Variants in KDM7A observed in about 807,000 individuals in gnomAD.
KDM7A encodes the protein lysine-specific demethylase 7A.
Under a neutral mutation model 114.8 loss-of-function variants are expected in KDM7A, and 28 were observed. The ratio of observed to expected loss-of-function variants is 0.24; its 90% CI spans 0.18 to 0.33. The LOEUF (loss-of-function observed/expected upper bound fraction) is 0.33, where lower values mean the gene tolerates loss of function less well. Ranked by LOEUF, KDM7A falls within the 10% of genes least tolerant of loss-of-function variation. The probability of loss-of-function intolerance (pLI) is 1.00; values close to 1 mark genes in which losing one functional copy is unlikely to be tolerated. For missense variants in KDM7A, 942 were observed against 1,142.5 expected (o/e 0.82, Z 2.53); for synonymous variants, 423 against 397.8 (o/e 1.06, Z -0.75).
At chr7:140,146,570 C>T (rs1794342276) in intron 1 of KDM7A, among the ~76,000 whole-genome samples, 1 of 152,168 alleles carries the variant, frequency 6.6e-6, no homozygotes, top group Non-Finnish European at 1.5e-5. Context: ...TCTTGTAAAA[C>T]TTTCCTTCAT....
chr7:140,171,052 G>A (rs1444041565), intron 1 of KDM7A, among the ~76,000 whole-genome samples: 1 of 130,758 alleles, frequency 7.6e-6, no homozygotes, highest in East Asian at 2.1e-4. Flanking sequence ...AATGTACTGA[G>A]ACCCCCATCC....
chr7:140,136,198 C>T (rs987773880), intron 2 of KDM7A, among the ~76,000 whole-genome samples: 10 of 152,182 alleles, frequency 6.6e-5, no homozygotes, highest in African/African-American at 2.4e-4. Context: ...CATAAAAGGG[C>T]TAGCTAGATC....
intron 7 of KDM7A, among the ~76,000 whole-genome samples, chr7:140,122,541 T>C (rs1818632229): frequency 6.6e-6 from 1 of 152,192 alleles, no homozygotes; most frequent in South Asian, 2.1e-4. Flanking sequence ...TCAACATACA[T>C]TTGTTATTAT....
At chr7:140,136,011 G>C (rs1818864854) in intron 2 of KDM7A, among the ~76,000 whole-genome samples, 1 of 152,068 alleles carries the variant, frequency 6.6e-6, no homozygotes, top group Non-Finnish European at 1.5e-5. Flanking sequence ...CCAGGCTGGA[G>C]TACAGTGGCG....
intron 1 of KDM7A, among the ~76,000 whole-genome samples, chr7:140,147,231 A>G (rs904360117): frequency 1.3e-5 from 2 of 152,054 alleles, no homozygotes; most frequent in East Asian, 3.8e-4. Context: ...CCCTGAACTG[A>G]GCTCTTTAAG....
chr7:140,093,699 G>C (rs912130215), intron 18 of KDM7A, among the ~76,000 whole-genome samples: 5 of 152,126 alleles, frequency 3.3e-5, no homozygotes, highest in Non-Finnish European at 7.4e-5. Context: ...AAGAAATTCA[G>C]TATCCAAAAC....
chr7:140,140,742 CAAAAA>C (rs56713880), intron 1 of KDM7A, among the ~76,000 whole-genome samples: 5 of 116,078 alleles, frequency 4.3e-5, no homozygotes, highest in Admixed American at 3.7e-4. Flanking sequence ...GACTTCATCT[CAAAAA>C]AAAAAAAAAA....
At chr7:140,092,172 A>G in intron 18 of KDM7A, 95 bp from the exon 19 acceptor site, 1 of 1,141,236 alleles carries the variant, frequency 8.8e-7, no homozygotes, top group Non-Finnish European at 1.3e-6. Flanking sequence ...GAGAGAAGAA[A>G]CAAACTACTG....
chr7:140,108,864 C>G (rs1421673272), intron 11 of KDM7A, among the ~76,000 whole-genome samples: 1 of 152,236 alleles, frequency 6.6e-6, no homozygotes, highest in African/African-American at 2.4e-5. Flanking sequence ...GCCCTGCCCC[C>G]AGAGGTGGAG....
intron 9 of KDM7A, among the ~76,000 whole-genome samples, chr7:140,118,912 A>T (rs1026820661): frequency 6.6e-5 from 10 of 152,182 alleles, no homozygotes; most frequent in African/African-American, 2.4e-4. Flanking sequence ...ATTTTTAAGA[A>T]CATGGATTGT....
intron 11 of KDM7A, among the ~76,000 whole-genome samples, chr7:140,106,787 T>A: frequency 6.6e-6 from 1 of 152,224 alleles, no homozygotes; most frequent in Admixed American, 6.5e-5. Context: ...GAGAGTTCTG[T>A]AGATGTCTAT....
rs192019049 is a variant in KDM7A, at chr7:140,108,253, C to T, written c.1428+2842G>A. Among the ~76,000 whole-genome samples, 30 of 151,980 alleles carry T rather than the reference C, an allele frequency of 2.0e-4. No homozygotes were observed. In the East Asian group the frequency reaches 5.4e-3, roughly 27 times the overall value. ...TTTAGCTCAGAGAAGTTTGTTATTA[C>T]TGATCTTCTGAGGCCTACTTCTGTC... On this transcript the variant is annotated intron_variant, in intron 11 of 19. Coordinates refer to ENST00000397560, the MANE Select transcript of KDM7A (RefSeq NM_030647.2).
intron 1 of KDM7A, among the ~76,000 whole-genome samples, chr7:140,162,424 G>C (rs1438845116): frequency 3.3e-5 from 5 of 151,918 alleles, no homozygotes; most frequent in Middle Eastern, 3.2e-3. Flanking sequence ...AGGAAAAATG[G>C]CATTTCTAAA....
chr7:140,111,012 A>G, intron 11 of KDM7A, 83 bp downstream of exon 11: 1 of 746,940 alleles, frequency 1.3e-6, no homozygotes, highest in Non-Finnish European at 2.2e-6. Flanking sequence ...GAGTTTTTAA[A>G]TATTTGTAGA....
chr7:140,139,321 C>T (rs1794229839), intron 1 of KDM7A, 131 bp from the exon 2 acceptor site: 2 of 611,202 alleles, frequency 3.3e-6, no homozygotes, highest in Admixed American at 2.8e-5. Context: ...AGCACAGAAA[C>T]ACATATAAAG....
chr7:140,142,900 AT>A (rs1794300103), intron 1 of KDM7A, among the ~76,000 whole-genome samples: 1 of 131,422 alleles, frequency 7.6e-6, no homozygotes, highest in South Asian at 2.4e-4. Flanking sequence ...GGTAATGCAA[AT>A]TAAAAAAAAA....
rs773111951 is a variant in KDM7A at position 140,126,830 on chromosome 7, A to G, written c.702-7T>C. 6.2e-7 allele frequency: 1 copy of G among 1,606,378 alleles called. No individual in the cohort carries two copies. The highest frequency in any genetic ancestry group is 1.1e-5 in the South Asian group (1 of 90,534). ...CTCCACCAATTCAGACATCCTTTCA[A>G]AAAACAAACATACACACACACCCAC... On this transcript the variant is annotated splice_region_variant and splice_polypyrimidine_tract_variant and intron_variant, in intron 5 of 19. Coordinates refer to ENST00000397560, the MANE Select transcript of KDM7A (RefSeq NM_030647.2).
intron 12 of KDM7A, among the ~76,000 whole-genome samples, chr7:140,100,711 CATAT>C (rs58767645): frequency 0.02 from 1,137 of 56,538 alleles, 14 homozygotes; most frequent in East Asian, 0.031. Flanking sequence ...TATATATACA[CATAT>C]ATATATATAT....
chr7:140,106,754 G>A (rs1818343818), intron 11 of KDM7A, among the ~76,000 whole-genome samples: 1 of 152,222 alleles, frequency 6.6e-6, no homozygotes, highest in African/African-American at 2.4e-5. Context: ...TGAGAAGAAT[G>A]TACATTCTCT....
Sources: allele counts gnomAD v4.1 joint callset (sites outside exome capture counted in the v4.1 genomes callset), GRCh38; gene constraint gnomAD v4.1.1; transcripts MANE v1.5; gene names NCBI Gene and HGNC (gene_info 2026-07-23, HGNC 2026-07-21).